CNTN6: variants seen among roughly 807,000 people sequenced by gnomAD.
The protein encoded by CNTN6 is contactin-6.
Under a neutral mutation model 122.8 loss-of-function variants are expected in CNTN6, and 137 were observed. That is an observed-to-expected ratio of 1.12 (90% CI 0.97 to 1.29). The LOEUF is 1.29. Ranked by LOEUF, CNTN6 falls within the 50% of genes most tolerant of loss-of-function variation. The pLI is 0.00. For missense variants in CNTN6, 1,634 were observed against 1,223.4 expected (o/e 1.34, Z -5.01); for synonymous variants, 570 against 426.0 (o/e 1.34, Z -4.16).
At chr3:1,322,022 T>A (rs1201866926) in intron 8 of CNTN6, among the ~76,000 whole-genome samples, 188 bp downstream of exon 8, 6 of 151,732 alleles carry the variant, frequency 4.0e-5, no homozygotes, top group Non-Finnish European at 7.4e-5. Flanking sequence ...GGTTTTAATT[T>A]TAGCATGGTC....
At chr3:1,307,419 A>T (rs1160185505) in intron 7 of CNTN6, among the ~76,000 whole-genome samples, 1 of 152,122 alleles carries the variant, frequency 6.6e-6, no homozygotes, top group Non-Finnish European at 1.5e-5. Context: ...GATTTTAAAG[A>T]ATAGTTTTAG....
intron 2 of CNTN6, among the ~76,000 whole-genome samples, chr3:1,149,314 T>A (rs2092789178): frequency 6.6e-6 from 1 of 152,200 alleles, no homozygotes; most frequent in South Asian, 2.1e-4. Context: ...CATACCATGC[T>A]TCTTCCCCCC....
At chr3:1,331,094 A>G (rs1702225498) in intron 11 of CNTN6, among the ~76,000 whole-genome samples, 1 of 151,926 alleles carries the variant, frequency 6.6e-6, no homozygotes, top group Admixed American at 6.6e-5. Flanking sequence ...AAACAAAAGC[A>G]GGGGTCTCTG....
At chr3:1,214,082 T>C (rs2094089978) in intron 2 of CNTN6, among the ~76,000 whole-genome samples, 1 of 152,070 alleles carries the variant, frequency 6.6e-6, no homozygotes, top group Non-Finnish European at 1.5e-5. Context: ...TAACTAAAAC[T>C]AGCAGAGTTC....
intron 1 of CNTN6, among the ~76,000 whole-genome samples, chr3:1,120,274 G>A (rs1268464487): frequency 6.6e-6 from 1 of 151,804 alleles, no homozygotes; most frequent in Non-Finnish European, 1.5e-5. Flanking sequence ...GTTTATCTTA[G>A]TAAATGTTTT....
intron 1 of CNTN6, among the ~76,000 whole-genome samples, chr3:1,130,286 A>G (rs7652590): frequency 0.96 from 146,535 of 152,010 alleles, 70,675 homozygotes; most frequent in East Asian, 1. Context: ...TCCTACCCTC[A>G]CTCCCTTCAC....
rs754797179 is a variant in CNTN6 at position 1,382,997 on chromosome 3, G to A, written c.2222G>A (p.Arg741Gln). 3.8e-5 allele frequency: 62 copies of A among 1,613,968 alleles called. No homozygotes were observed. Among genetic ancestry groups the A allele is most frequent in the Non-Finnish European group, 4.7e-5 (55 of 1,179,944 alleles). The change falls in exon 18 of 23, where the codon CGG becomes CAG. Residue 741 changes from arginine (R) to glutamine (Q), a missense_variant. Coordinates refer to ENST00000446702, the MANE Select transcript of CNTN6 (RefSeq NM_001289080.2). Reference sequence around the variant, plus strand: ...GGATTTGGATATATCATCATGTTCCGGCCAGTGGGCTCGACAACCTGGTCC... The same window carrying A: ...GGATTTGGATATATCATCATGTTCCAGCCAGTGGGCTCGACAACCTGGTCC... ...GEGFGYIIMFRPVGSTTWSKE... is the reference protein window; with the variant it reads ...GEGFGYIIMFQPVGSTTWSKE...
intron 20 of CNTN6, among the ~76,000 whole-genome samples, chr3:1,387,713 C>A (rs951732370): frequency 6.6e-6 from 1 of 152,152 alleles, no homozygotes; most frequent in Non-Finnish European, 1.5e-5. Flanking sequence ...GCGCACCGTG[C>A]GCAAGCCGAA....
At chr3:1,102,592 G>A (rs1220579685) in intron 1 of CNTN6, among the ~76,000 whole-genome samples, 10 of 146,848 alleles carry the variant, frequency 6.8e-5, no homozygotes, top group East Asian at 2.0e-4. Context: ...AGCCGGGCGT[G>A]GTGGCGGCGC....
At chr3:1,334,498 A>G (rs905169452) in intron 11 of CNTN6, among the ~76,000 whole-genome samples, 7 of 152,026 alleles carry the variant, frequency 4.6e-5, no homozygotes, top group Admixed American at 3.9e-4. Flanking sequence ...CAGAGATTAC[A>G]TTTTAGAAAT....
At chr3:1,303,010 C>G (rs1697692398) in intron 7 of CNTN6, among the ~76,000 whole-genome samples, 1 of 151,994 alleles carries the variant, frequency 6.6e-6, no homozygotes, top group Non-Finnish European at 1.5e-5. Context: ...TCATTTACTT[C>G]CCCCCTTAGC....
At chr3:1,281,259 C>T (rs1020885992) in intron 5 of CNTN6, among the ~76,000 whole-genome samples, 1 of 152,142 alleles carries the variant, frequency 6.6e-6, no homozygotes, top group Non-Finnish European at 1.5e-5. Flanking sequence ...TCCCTAAAGG[C>T]TCCATATTTC....
In CNTN6 at chr3:1,156,317, C is replaced by G. The variant is rs1253372478; in HGVS notation, c.55+8254C>G. Among the ~76,000 whole-genome samples the G allele has an allele frequency of 3.9e-5, 6 of 152,146 alleles. No individual in the cohort carries two copies. The East Asian group carries it at 1.2e-3, about 29-fold the overall frequency. On this transcript the variant is annotated intron_variant, in intron 2 of 22. Coordinates refer to ENST00000446702, the MANE Select transcript of CNTN6 (RefSeq NM_001289080.2). Reference sequence around the variant, plus strand: ...TCCATTTTCTCCTGAAACCTTGATTCTGTGAAGAAGAATTTTGTCATTTCC... The same window carrying G: ...TCCATTTTCTCCTGAAACCTTGATTGTGTGAAGAAGAATTTTGTCATTTCC...
At chr3:1,100,766 CT>C (rs1156590948) in intron 1 of CNTN6, among the ~76,000 whole-genome samples, 1 of 151,970 alleles carries the variant, frequency 6.6e-6, no homozygotes, top group African/African-American at 2.4e-5. Context: ...TTATATTGCT[CT>C]TTTAAAAATT....
At chr3:1,320,434 AGTT>A (rs1386894425) in intron 7 of CNTN6, among the ~76,000 whole-genome samples, 1 of 151,698 alleles carries the variant, frequency 6.6e-6, no homozygotes, top group African/African-American at 2.4e-5. Context: ...AACTTTCTGC[AGTT>A]GTTTACTGCT....
At chr3:1,402,036 A>G (rs1695774112) in intron 21 of CNTN6, among the ~76,000 whole-genome samples, 1 of 152,030 alleles carries the variant, frequency 6.6e-6, no homozygotes, top group Non-Finnish European at 1.5e-5. Flanking sequence ...TCCAAACTCA[A>G]CAGTGACTTT....
At chr3:1,386,705 GCT>G (rs1471190873) in intron 20 of CNTN6, among the ~76,000 whole-genome samples, 2 of 151,680 alleles carry the variant, frequency 1.3e-5, no homozygotes, top group Non-Finnish European at 2.9e-5. Flanking sequence ...ACATTTTTTT[GCT>G]CTCTGAATCC....
At chr3:1,210,227 A>G (rs2094015484) in intron 2 of CNTN6, among the ~76,000 whole-genome samples, 1 of 152,118 alleles carries the variant, frequency 6.6e-6, no homozygotes, top group African/African-American at 2.4e-5. Context: ...TGACCTCTCT[A>G]GAATTACTTT....
At chr3:1,254,275 G>A (rs2094717804) in intron 4 of CNTN6, among the ~76,000 whole-genome samples, 1 of 151,856 alleles carries the variant, frequency 6.6e-6, no homozygotes, top group African/African-American at 2.4e-5. Flanking sequence ...TATTGTCTTT[G>A]TTTATAATAT....
Sources: allele counts gnomAD v4.1 joint callset (sites outside exome capture counted in the v4.1 genomes callset), GRCh38; gene constraint gnomAD v4.1.1; transcripts MANE v1.5; gene names NCBI Gene and HGNC (gene_info 2026-07-23, HGNC 2026-07-21).